The following IRAK1BP1 variants were observed in gnomAD, a reference collection of about 807,000 sequenced individuals.
The protein encoded by IRAK1BP1 is interleukin 1 receptor associated kinase 1 binding protein 1.
A neutral mutation model predicts 28.0 loss-of-function variants in IRAK1BP1; 24 were observed. The ratio of observed to expected loss-of-function variants is 0.86; its 90% confidence interval spans 0.62 to 1.20. The LOEUF is 1.20. Among genes scored for constraint, IRAK1BP1 ranks in the 50% most tolerant of loss-of-function variants. The pLI is 0.00. For missense variants in IRAK1BP1, 336 were observed against 316.7 expected (o/e 1.06, Z -0.46); for synonymous variants, 131 against 116.3 (o/e 1.13, Z -0.81).
downstream of IRAK1BP1, among the ~76,000 whole-genome samples, chr6:78,903,393 A>C (rs548143451): frequency 2.6e-5 from 4 of 152,118 alleles, no homozygotes; most frequent in Non-Finnish European, 4.4e-5. Context: ...CGGGAGGCTG[A>C]GACATGAAAA....
At chr6:78,966,179 C>A in the IRAK1BP1 span, 1 of 627,648 alleles carries the variant, frequency 1.6e-6, no homozygotes, top group Non-Finnish European at 2.9e-6. Context: ...AAAAGTGAAC[C>A]ACAAACTCCA....
intron 4 of IRAK1BP1, among the ~76,000 whole-genome samples, chr6:78,942,184 A>G (rs192926282): frequency 2.6e-5 from 4 of 152,344 alleles, no homozygotes; most frequent in Admixed American, 2.6e-4. Flanking sequence ...TACTTTGTAA[A>G]TAAGAAAATC....
chr6:78,874,121 A>G (rs1211694502), intron 1 of IRAK1BP1, among the ~76,000 whole-genome samples: 2 of 152,246 alleles, frequency 1.3e-5, no homozygotes, highest in African/African-American at 2.4e-5. Flanking sequence ...TTAAAAAGAA[A>G]AACAATAGTC....
In IRAK1BP1 at chr6:78,885,401, G is replaced by A. The variant is rs1359475669; in HGVS notation, c.339G>A (p.Lys113=). The change falls in exon 2 of 4, where the codon AAG becomes AAA. Residue 113 remains lysine, a synonymous_variant. Coordinates refer to ENST00000369940, the MANE Select transcript of IRAK1BP1 (RefSeq NM_001010844.4). ...GVQAENITVT[K]DFRRVENAYH... ...AGGCAGAAAATATAACTGTGACAAA[G>A]GATTTTAGGAGAGTGGAAAATGCTT... 1.3e-6 allele frequency: 2 copies of A among 1,583,568 alleles called. No homozygotes were observed. Among genetic ancestry groups the A allele is most frequent in the Middle Eastern group, 1.7e-4 (1 of 5,996 alleles).
At chr6:78,952,448 A>G in the IRAK1BP1 span, among the ~76,000 whole-genome samples, 21 of 151,404 alleles carry the variant, frequency 1.4e-4, no homozygotes, top group Admixed American at 8.6e-4. Context: ...AAAGAAAAAA[A>G]AAAAGGAAAA....
chr6:78,871,572 T>C (rs946912527), intron 1 of IRAK1BP1: 8 of 978,188 alleles, frequency 8.2e-6, no homozygotes, highest in Non-Finnish European at 9.7e-6. Context: ...AATGTTTGTT[T>C]CCCCCCAAAA....
At chr6:78,945,538 A>G in exon 5 of IRAK1BP1, 1 of 1,233,202 alleles carries the variant, frequency 8.1e-7, no homozygotes, top group Non-Finnish European at 1.2e-6. Flanking sequence ...AGAGTTATTG[A>G]ACCTAAAGAT....
intron 2 of IRAK1BP1, among the ~76,000 whole-genome samples, chr6:78,895,223 T>A (rs1365888383): frequency 6.6e-6 from 1 of 152,100 alleles, no homozygotes; most frequent in African/African-American, 2.4e-5. Flanking sequence ...TATGCTGAAT[T>A]TTAAAACATA....
At chr6:78,964,717 A>T in the IRAK1BP1 span, among the ~76,000 whole-genome samples, 1 of 152,052 alleles carries the variant, frequency 6.6e-6, no homozygotes, top group African/African-American at 2.4e-5. Flanking sequence ...GCTCTCCAAC[A>T]CCTGACCTCG....
chr6:78,936,476 A>C (rs766621042), intron 4 of IRAK1BP1: 5 of 151,858 alleles, frequency 3.3e-5, no homozygotes, highest in Non-Finnish European at 7.4e-5. Context: ...AGTAACCAGC[A>C]TGTGTGCATC....
the IRAK1BP1 span, chr6:78,978,472 T>C: frequency 7.8e-6 from 5 of 639,868 alleles, no homozygotes; most frequent in African/African-American, 1.8e-5. Context: ...TAGATACAAA[T>C]ATCTAGAATG....
intron 1 of IRAK1BP1, among the ~76,000 whole-genome samples, chr6:78,875,881 A>G (rs1188349231): frequency 6.6e-6 from 1 of 152,162 alleles, no homozygotes; most frequent in East Asian, 1.9e-4. Flanking sequence ...ATAAAAATAT[A>G]TATATTGAAT....
chr6:78,872,782 A>T (rs574965263), intron 1 of IRAK1BP1, among the ~76,000 whole-genome samples: 3 of 152,320 alleles, frequency 2.0e-5, no homozygotes, highest in African/African-American at 7.2e-5. Context: ...CACTTGGCAC[A>T]GTAGGCATTA....
intron 4 of IRAK1BP1, among the ~76,000 whole-genome samples, chr6:78,915,092 T>C (rs1772526161): frequency 6.6e-6 from 1 of 152,208 alleles, no homozygotes; most frequent in Admixed American, 6.5e-5. Context: ...AGTGCTGGGA[T>C]TACAGGTGTG....
At chr6:78,881,420 C>T (rs184591462) in intron 1 of IRAK1BP1, among the ~76,000 whole-genome samples, 55 of 152,240 alleles carry the variant, frequency 3.6e-4, no homozygotes, top group Non-Finnish European at 6.0e-4. Context: ...GGTGAAAGAA[C>T]TATTCTTTAT....
chr6:78,961,128 T>C, the IRAK1BP1 span, among the ~76,000 whole-genome samples: 1 of 152,100 alleles, frequency 6.6e-6, no homozygotes, highest in East Asian at 1.9e-4. Context: ...CAAAATTACC[T>C]AGATAATGCA....
chr6:78,953,312 C>T, the IRAK1BP1 span, among the ~76,000 whole-genome samples: 1 of 152,108 alleles, frequency 6.6e-6, no homozygotes, highest in Non-Finnish European at 1.5e-5. Flanking sequence ...TCACCACTGC[C>T]CAAGGACTCA....
intron 4 of IRAK1BP1, among the ~76,000 whole-genome samples, chr6:78,916,935 C>A (rs886964747): frequency 1.3e-5 from 2 of 151,884 alleles, no homozygotes; most frequent in African/African-American, 4.8e-5. Context: ...TAGAGTGAGA[C>A]TCCACCTAAA....
At chr6:78,903,251 G>C, downstream of IRAK1BP1, 1 of 488,474 alleles carries the variant, frequency 2.0e-6, no homozygotes, top group South Asian at 4.2e-5. Context: ...GGGAGGCCGA[G>C]GCAGGTGGAT....
Sources: gnomAD v4.1 joint callset for allele counts (sites outside exome capture counted in the v4.1 genomes callset) on GRCh38, gnomAD v4.1.1 for gene constraint, MANE v1.5 for transcripts, NCBI Gene and HGNC (gene_info 2026-07-23, HGNC 2026-07-21) for gene names.